Variants in FAM168B observed in about 807,000 individuals in gnomAD.
FAM168B encodes the protein myelin-associated neurite-outgrowth inhibitor.
Under a neutral mutation model 21.8 loss-of-function variants are expected in FAM168B, and 19 were observed. The observed-to-expected ratio is 0.87, with a 90% CI of 0.61 to 1.28. FAM168B has a LOEUF of 1.28. Ranked by LOEUF, FAM168B falls within the 50% of genes most tolerant of loss-of-function variation. The pLI is 0.00. For missense variants in FAM168B, 233 were observed against 263.1 expected (o/e 0.89, Z 0.79); for synonymous variants, 126 against 104.8 (o/e 1.20, Z -1.24).
rs762790022 is a variant in FAM168B, at chr2:131,052,036, T to C, written c.*429A>G. ...CTTTAACACTTATAACTGTAAGACTTTGCATACATTACAACAGTGCATTAG... is the reference window on the plus strand; with the variant it reads ...CTTTAACACTTATAACTGTAAGACTCTGCATACATTACAACAGTGCATTAG... On this transcript the variant is annotated 3_prime_UTR_variant, in exon 7 of 7. Transcript: ENST00000389915. 12 of 985,622 alleles carry C rather than the reference T, an allele frequency of 1.2e-5. No homozygotes were observed. Among genetic ancestry groups the C allele is most frequent in the Admixed American group, 6.1e-5 (1 of 16,270 alleles). The allele number at this position is 985,622 out of a possible 1,614,324, so 61.1% of individuals were successfully genotyped here.
chr2:131,079,586 T>C (rs1693332348), intron 2 of FAM168B, among the ~76,000 whole-genome samples: 1 of 152,132 alleles, frequency 6.6e-6, no homozygotes, highest in Admixed American at 6.5e-5. Context: ...CACCAGAAAC[T>C]AGAAGATGCA....
chr2:131,070,612 G>A (rs1692825483), intron 3 of FAM168B, among the ~76,000 whole-genome samples: 1 of 152,138 alleles, frequency 6.6e-6, no homozygotes. Flanking sequence ...AATATTAATA[G>A]CATTTTCATT....
intron 1 of FAM168B, among the ~76,000 whole-genome samples, chr2:131,083,953 G>A (rs1381313973): frequency 1.3e-5 from 2 of 151,896 alleles, no homozygotes; most frequent in Non-Finnish European, 2.9e-5. Context: ...CGCTAGGCTG[G>A]AGTGCAGTGG....
intron 1 of FAM168B, among the ~76,000 whole-genome samples, chr2:131,088,045 A>G (rs924273795): frequency 6.6e-6 from 1 of 152,208 alleles, no homozygotes; most frequent in Admixed American, 6.5e-5. Context: ...CACGCGTTCG[A>G]GACCAGCCTG....
intron 3 of FAM168B, among the ~76,000 whole-genome samples, chr2:131,065,615 C>A (rs1401229516): frequency 6.6e-6 from 1 of 151,792 alleles, no homozygotes; most frequent in East Asian, 1.9e-4. Flanking sequence ...CATGGAGAAA[C>A]CCCGTCTCTA....
At chr2:131,061,219 C>T (rs1243395195) in intron 3 of FAM168B, among the ~76,000 whole-genome samples, 2 of 146,334 alleles carry the variant, frequency 1.4e-5, no homozygotes, top group Non-Finnish European at 3.0e-5. Flanking sequence ...CTTTGGGAGG[C>T]CAAGGTGGGC....
Position 131,055,806 on chromosome 2 carries a change from A to G in FAM168B, c.155-111T>C, listed in dbSNP as rs924721977. 4 of 1,304,300 alleles carry G rather than the reference A, an allele frequency of 3.1e-6. No homozygotes were observed. In the African/African-American group the frequency reaches 5.9e-5, roughly 19 times the overall value. The allele number at this position is 1,304,300 out of a possible 1,614,324, so 80.8% of individuals were successfully genotyped here. ...GTGTCAGCCCCACGCAACTCGCCAGACCTGCTGCCACTGCCGCCCCCACTC... is the reference window on the plus strand; with the variant it reads ...GTGTCAGCCCCACGCAACTCGCCAGGCCTGCTGCCACTGCCGCCCCCACTC... On this transcript the variant is annotated intron_variant, in intron 3 of 6. Transcript: ENST00000389915.
chr2:131,069,766 G>GA (rs886248874), intron 3 of FAM168B, among the ~76,000 whole-genome samples: 1 of 149,638 alleles, frequency 6.7e-6, no homozygotes, highest in African/African-American at 2.5e-5. Context: ...GTGCTGGGAC[G>GA]ACAGGCGTGA....
At chr2:131,072,591 T>C (rs1016584513) in intron 2 of FAM168B, among the ~76,000 whole-genome samples, 1 of 152,114 alleles carries the variant, frequency 6.6e-6, no homozygotes, top group African/African-American at 2.4e-5. Context: ...TCCGAGTAGC[T>C]GGGATTACAG....
At chr2:131,091,848 G>C (rs1273649535) in intron 1 of FAM168B, among the ~76,000 whole-genome samples, 1 of 151,416 alleles carries the variant, frequency 6.6e-6, no homozygotes, top group Admixed American at 6.6e-5. Flanking sequence ...AATTGTGCTC[G>C]GCCAGGCGCG....
rs143349875 is a variant in FAM168B at position 131,049,887 on chromosome 2, C to T, written c.*2578G>A. 6.0e-3 allele frequency: 5,883 copies of T among 985,652 alleles called. 22 individuals carry two copies. The highest frequency in any genetic ancestry group is 0.012 in the Admixed American group (190 of 16,284). The allele number at this position is 985,652 out of a possible 1,614,324, so 61.1% of individuals were successfully genotyped here. ...TAATTGACTTTAATTTTACTAGAAG[C>T]GAATGTTGATAAAATTACAACCTAT... is the stretch of plus-strand genomic sequence containing the variant. On this transcript the variant is annotated 3_prime_UTR_variant, in exon 7 of 7. Coordinates refer to ENST00000389915, the MANE Select transcript of FAM168B (RefSeq NM_001009993.4).
chr2:131,072,735 G>A (rs1438950435), intron 2 of FAM168B, among the ~76,000 whole-genome samples: 1 of 152,184 alleles, frequency 6.6e-6, no homozygotes, highest in Non-Finnish European at 1.5e-5. Context: ...GGGATTACAG[G>A]CATAAGCCAC....
At chr2:131,088,044 G>A (rs1432315588) in intron 1 of FAM168B, among the ~76,000 whole-genome samples, 5 of 152,032 alleles carry the variant, frequency 3.3e-5, no homozygotes, top group South Asian at 4.1e-4. Flanking sequence ...CCACGCGTTC[G>A]AGACCAGCCT....
At chr2:131,080,136 G>GA (rs1491143396) in intron 2 of FAM168B, among the ~76,000 whole-genome samples, 1 of 151,864 alleles carries the variant, frequency 6.6e-6, no homozygotes, top group African/African-American at 2.4e-5. Context: ...AAAAAATGTT[G>GA]AGAGTTGTTC....
intron 3 of FAM168B, among the ~76,000 whole-genome samples, chr2:131,071,065 CGAA>C (rs1692847563): frequency 6.6e-6 from 1 of 152,010 alleles, no homozygotes; most frequent in Non-Finnish European, 1.5e-5. Context: ...GAAATGGAAA[CGAA>C]GAGATGGATG....
chr2:131,052,721 T>C (rs1230056728), intron 6 of FAM168B, among the ~76,000 whole-genome samples, 170 bp downstream of exon 6: 1 of 152,148 alleles, frequency 6.6e-6, no homozygotes, highest in Non-Finnish European at 1.5e-5. Context: ...CTTCCTTCCT[T>C]CTACTCTGTA....
rs1573741478 is a variant in FAM168B, at chr2:131,052,023, T to C, written c.*442A>G. 5 of 985,700 alleles carry C rather than the reference T, an allele frequency of 5.1e-6. 1 individual carries two copies. The South Asian group carries it at 1.4e-4, about 28-fold the overall frequency. The allele number at this position is 985,700 out of a possible 1,614,324, so 61.1% of individuals were successfully genotyped here. On this transcript the variant is annotated 3_prime_UTR_variant, in exon 7 of 7. Coordinates refer to ENST00000389915, the MANE Select transcript of FAM168B (RefSeq NM_001009993.4). ...ATGAAGAAATTCACTTTAACACTTATAACTGTAAGACTTTGCATACATTAC... is the reference window on the plus strand; with the variant it reads ...ATGAAGAAATTCACTTTAACACTTACAACTGTAAGACTTTGCATACATTAC...
chr2:131,089,603 A>G (rs1693903393), intron 1 of FAM168B, among the ~76,000 whole-genome samples: 1 of 151,196 alleles, frequency 6.6e-6, no homozygotes, highest in African/African-American at 2.4e-5. Context: ...GCCACTCACA[A>G]CTACTTGGGG....
intron 3 of FAM168B, among the ~76,000 whole-genome samples, chr2:131,058,627 C>T (rs1395998125): frequency 2.6e-5 from 4 of 152,144 alleles, no homozygotes; most frequent in African/African-American, 9.7e-5. Flanking sequence ...AATTTGAATA[C>T]AACAACTTTT....
Sources: allele counts gnomAD v4.1 joint callset (sites outside exome capture counted in the v4.1 genomes callset), GRCh38; gene constraint gnomAD v4.1.1; transcripts MANE v1.5; gene names NCBI Gene and HGNC (gene_info 2026-07-23, HGNC 2026-07-21).